The following LMF2 variants were observed in gnomAD, a reference collection of about 807,000 sequenced individuals.
LMF2 encodes the protein transmembrane protein 112B.
A neutral mutation model predicts 81.5 loss-of-function variants in LMF2; 113 were observed. That is an observed-to-expected ratio of 1.39 (90% CI 1.19 to 1.62). LMF2 has a LOEUF of 1.62. Ranked by LOEUF, LMF2 falls within the 40% of genes most tolerant of loss-of-function variation. LMF2 has a pLI of 0.00. For missense variants in LMF2, 1,235 were observed against 929.1 expected, an observed-to-expected ratio of 1.33 and a Z score of -4.28; for synonymous variants, 645 against 424.5, an observed-to-expected ratio of 1.52 and a Z score of -6.39.
At chr22:50,505,194 A>G (rs1239744620) in intron 8 of LMF2, 35 bp downstream of exon 8, 1 of 1,612,650 alleles carries the variant, frequency 6.2e-7, no homozygotes, top group South Asian at 1.1e-5. Flanking sequence ...GGCCCTGCAC[A>G]CCTGTGCCCC....
chr22:50,507,370 C>T, intron 1 of LMF2: 1 of 613,720 alleles, frequency 1.6e-6, no homozygotes, highest in Non-Finnish European at 2.9e-6. Context: ...GTCCCCCACC[C>T]CAGGTCAGAG....
chr22:50,505,261 G>A lies in LMF2; in HGVS notation c.1125C>T (p.Ser375=), dbSNP rs957251698. The part of the protein sequence containing the change: ...TLPTVWLGVA[S]LVWELLSALW... The stretch of plus-strand genomic sequence containing the variant: ...GGGCACTCAGCAGCTCCCAGACCAG[G>A]GAGGCCACACCCAGCCACACAGTGG... The change falls in exon 8 of 14, where the codon TCC becomes TCT. Residue 375 remains serine, a synonymous_variant. Transcript: ENST00000474879. The A allele has an allele frequency of 1.2e-6, 2 of 1,613,064 alleles. No individual in the cohort carries two copies. The highest frequency in any genetic ancestry group is 1.7e-5 in the Admixed American group (1 of 60,014).
chr22:50,506,155 G>A lies in LMF2; in HGVS notation c.654C>T (p.His218=), dbSNP rs190624637. The A allele has an allele frequency of 3.7e-5, 58 of 1,569,584 alleles. No homozygotes were observed. The highest frequency in any genetic ancestry group is 5.0e-5 in the Non-Finnish European group (58 of 1,157,366). Residue 218 remains histidine, a synonymous_variant, in exon 5 of 14, where the codon CAC becomes CAT. Transcript: ENST00000474879. Reference sequence around the variant, plus strand: ...GCTTGTGCAGCCAGACCGGCAGGTGGTGTGCGAACCAGGCGGCGGGCGTGG... The same window carrying A: ...GCTTGTGCAGCCAGACCGGCAGGTGATGTGCGAACCAGGCGGCGGGCGTGG... ...CLPTPAAWFA[H]HLPVWLHKLS...
chr22:50,504,294 A>ACC, intron 12 of LMF2, 46 bp downstream of exon 12: 1 of 1,239,130 alleles, frequency 8.1e-7, no homozygotes, highest in East Asian at 2.7e-5. Context: ...GCCCGGCCTT[A>ACC]CCCCTGCACC....
rs1569518972 is a variant in LMF2 at position 50,506,861 on chromosome 22, AG to A, written c.268del (p.Leu90TrpfsTer6). ...CAGTGGGCTCAGCAGCAGGGCTCCC[AG>A]GGCCACTAGTGCACCCAGCAGGCTC... ...LLSLLGALVA[L>X]GALLLSPLRH... On this transcript the variant is annotated frameshift_variant, in exon 2 of 14. Transcript: ENST00000474879. LOFTEE classifies it high-confidence loss of function. The A allele has an allele frequency of 6.3e-7, 1 of 1,592,718 alleles. No homozygotes were observed. The highest frequency in any genetic ancestry group is 2.3e-5 in the East Asian group (1 of 43,558).
intron 7 of LMF2, 33 bp from the exon 8 acceptor site, chr22:50,505,367 G>A (rs1290745340): frequency 4.3e-6 from 7 of 1,613,206 alleles, no homozygotes; most frequent in Admixed American, 1.7e-5. Flanking sequence ...GGACTGGTCC[G>A]CCCCTGCCCT....
rs2068453924 is a variant in LMF2, at chr22:50,503,317, G to A, written c.*74C>T. 2 of 1,505,096 alleles carry A rather than the reference G, an allele frequency of 1.3e-6. No homozygotes were observed. Among genetic ancestry groups the A allele is most frequent in the Non-Finnish European group, 9.1e-7 (1 of 1,104,780 alleles). The allele number at this position is 1,505,096 out of a possible 1,614,324, so 93.2% of individuals were successfully genotyped here. A position where few individuals can be genotyped will look rare whatever the true frequency, so the allele number is the denominator to read the frequency against. ...AGGGTCAGCTAAGGCACAGTGGCTG[G>A]GTCCTGTCCTGCCGGAGGCCAGAGC... is the stretch of plus-strand genomic sequence containing the variant. On this transcript the variant is annotated 3_prime_UTR_variant, in exon 14 of 14. Transcript: ENST00000474879.
At position 50,503,288 on chromosome 22, in the gene LMF2, C is replaced by G. The variant is rs1356893481; in HGVS notation, c.*103G>C. On this transcript the variant is annotated 3_prime_UTR_variant, in exon 14 of 14. Coordinates refer to ENST00000474879, the MANE Select transcript of LMF2 (RefSeq NM_033200.3). ...GCAGCCCCCCAACCTGTGCCTGGCCCTGCAGGGTCAGCTAAGGCACAGTGG... is the reference window on the plus strand; with the variant it reads ...GCAGCCCCCCAACCTGTGCCTGGCCGTGCAGGGTCAGCTAAGGCACAGTGG... 1 of 1,294,746 alleles carries G rather than the reference C, an allele frequency of 7.7e-7. No homozygotes were observed. Among genetic ancestry groups the G allele is most frequent in the African/African-American group, 1.5e-5 (1 of 66,812 alleles). 80.2% of individuals were successfully genotyped at this position (1,294,746 alleles called of 1,614,324 possible). A position where few individuals can be genotyped will look rare whatever the true frequency, so the allele number is the denominator to read the frequency against.
rs766986090 is a variant in LMF2 at position 50,507,664 on chromosome 22, G to A, written c.12C>T (p.Ser4=). 4 of 1,550,302 alleles carry A rather than the reference G, an allele frequency of 2.6e-6. No individual in the cohort carries two copies. The highest frequency in any genetic ancestry group is 3.5e-6 in the Non-Finnish European group (4 of 1,147,388). The change falls in exon 1 of 14, where the codon TCC becomes TCT. Residue 4 remains serine, a synonymous_variant. Transcript: ENST00000474879. MAG[S]RLPRQLFLQG... is the part of the protein sequence containing the mutation. ...GGAGGAAGAGCTGCCGCGGGAGCCG[G>A]GAGCCCGCCATGTCCGCTACGCGGC...
chr22:50,505,874 C>A, intron 5 of LMF2, 59 bp from the exon 6 acceptor site: 1 of 1,600,610 alleles, frequency 6.2e-7, no homozygotes, highest in Non-Finnish European at 8.5e-7. Flanking sequence ...GTGGCAGGCA[C>A]CCACCTCCAC....
rs951110066 is a variant in LMF2, at chr22:50,506,301, C to G, written c.579G>C (p.Ala193=). 1.0e-5 allele frequency: 16 copies of G among 1,549,354 alleles called. No homozygotes were observed. The highest frequency in any genetic ancestry group is 1.3e-5 in the Non-Finnish European group (15 of 1,146,556). The change falls in exon 4 of 14, where the codon GCG becomes GCC. Residue 193 remains alanine, a synonymous_variant. Coordinates refer to ENST00000474879, the MANE Select transcript of LMF2 (RefSeq NM_033200.3). ...GVVKLTSRCP[A]WWGLTALTYH... is the part of the protein sequence containing the mutation. ...GCCCCTCACCAGTGAGCCCCCACCA[C>G]GCAGGGCAGCGGCTGGTCAGCTTGA...
At position 50,504,970 on chromosome 22, in the gene LMF2, G is replaced by C; in HGVS notation, c.1269C>G (p.Tyr423Ter). The stretch of plus-strand genomic sequence containing the variant: ...GGCGCCCGTGGGTCCCGGGCTCCAC[G>C]TAGGAGTACGGCACCTGGAGACAGG... ...LFLISLVPYS[Y>*]VEPGTHGRLW... The change falls in exon 10 of 14, where the codon TAC becomes TAG. Residue 423 changes from tyrosine to a stop codon, truncating the protein, a stop_gained. Coordinates refer to ENST00000474879, the MANE Select transcript of LMF2 (RefSeq NM_033200.3). LOFTEE classifies it high-confidence loss of function. 1.2e-6 allele frequency: 2 copies of C among 1,609,422 alleles called. No homozygotes were observed. The highest frequency in any genetic ancestry group is 1.7e-6 in the Non-Finnish European group (2 of 1,177,450).
chr22:50,507,480 C>T (rs2068625179), intron 1 of LMF2, 102 bp downstream of exon 1: 11 of 921,678 alleles, frequency 1.2e-5, no homozygotes, highest in Non-Finnish European at 1.9e-5. Context: ...CAAGGCCTGG[C>T]CCTCACTCCC....
In LMF2 at chr22:50,507,054, T is replaced by TG; in HGVS notation, c.95-20dup. On this transcript the variant is annotated intron_variant, in intron 1 of 13. Transcript: ENST00000474879. The stretch of plus-strand genomic sequence containing the variant: ...TACAGGCCTGTGGGAGGGCATGTCA[T>TG]GGCCAGGCCCTGGACAGCCCTTGCA... 6.3e-7 allele frequency: 1 copy of TG among 1,579,636 alleles called. No individual in the cohort carries two copies. Among genetic ancestry groups the TG allele is most frequent in the Non-Finnish European group, 8.6e-7 (1 of 1,168,994 alleles).
Position 50,506,945 on chromosome 22 carries a change from G to A in LMF2, c.185C>T (p.Thr62Met), listed in dbSNP as rs1366989457. The change falls in exon 2 of 14, where the codon ACG becomes ATG. Residue 62 changes from threonine (T) to methionine (M), a missense_variant. By Grantham distance (81) the Thr-to-Met change is moderately conservative (BLOSUM62 -1). Transcript: ENST00000474879. ...GRWQQLWETP[T>M]LLWEAPRLGL... ...CAGTCTCGGCGCTTCCCACAGCAGCGTCGGGGTCTCCCACAGCTGCTGCCA... is the reference window on the plus strand; with the variant it reads ...CAGTCTCGGCGCTTCCCACAGCAGCATCGGGGTCTCCCACAGCTGCTGCCA... 1.9e-6 allele frequency: 3 copies of A among 1,581,228 alleles called. No homozygotes were observed. The highest frequency in any genetic ancestry group is 1.1e-5 in the South Asian group (1 of 88,126).
At position 50,504,788 on chromosome 22, in the gene LMF2, C is replaced by T; in HGVS notation, c.1437+14G>A. On this transcript the variant is annotated intron_variant, in intron 10 of 13. Coordinates refer to ENST00000474879, the MANE Select transcript of LMF2 (RefSeq NM_033200.3). ...CCTGGGCCCCACCACCCTGCCCGCC[C>T]TGGGAGGGCTCACCGTCCAGTGGTG... is the stretch of plus-strand genomic sequence containing the variant. 1 of 1,604,658 alleles carries T rather than the reference C, an allele frequency of 6.2e-7. No homozygotes were observed. The highest frequency in any genetic ancestry group is 8.5e-7 in the Non-Finnish European group (1 of 1,174,936).
chr22:50,505,886 CT>C lies in LMF2; in HGVS notation c.775-72del. ...CCCGTGGCAGGCACCCACCTCCACCCTGCAGGGTGCATCCCTCTGCTACAAG... is the reference window on the plus strand; with the variant it reads ...CCCGTGGCAGGCACCCACCTCCACCCGCAGGGTGCATCCCTCTGCTACAAG... On this transcript the variant is annotated intron_variant, in intron 5 of 13. Transcript: ENST00000474879. 3 of 1,594,574 alleles carry C rather than the reference CT, an allele frequency of 1.9e-6. No homozygotes were observed. In the East Asian group the frequency reaches 6.7e-5, roughly 36 times the overall value.
chr22:50,503,054 G>C lies in LMF2; in HGVS notation c.*337C>G. The C allele has an allele frequency of 3.3e-6, 1 of 303,312 alleles. No individual in the cohort carries two copies. 18.8% of individuals were successfully genotyped at this position (303,312 alleles called of 1,614,324 possible). ...CAGTGCTTCCCCTCTTCCCCTGGGA[G>C]TCAGCCTCTTCCCCTCTGGCACGGG... On this transcript the variant is annotated 3_prime_UTR_variant, in exon 14 of 14. Transcript: ENST00000474879.
At position 50,504,580 on chromosome 22, in the gene LMF2, G is replaced by T. The variant is rs750077885; in HGVS notation, c.1585C>A (p.Leu529Met). 6.3e-6 allele frequency: 10 copies of T among 1,591,558 alleles called. No individual in the cohort carries two copies. The African/African-American group carries it at 1.1e-4, about 17-fold the overall frequency. ...GCACCTGGCTCCTTGCCCTGCAGCA[G>T]GCGCAAGACCAGGCTTGTGAACCAC... ...SPWFTSLVLR[L>M]LQGKEPVIRL... is the part of the protein sequence containing the mutation. The change falls in exon 11 of 14, where the codon CTG becomes ATG. Residue 529 changes from leucine to methionine, a missense_variant. Leu to Met is a conservative substitution (Grantham distance 15, BLOSUM62 2). Coordinates refer to ENST00000474879, the MANE Select transcript of LMF2 (RefSeq NM_033200.3).
Sources: gnomAD v4.1 joint callset for allele counts on GRCh38, gnomAD v4.1.1 for gene constraint, MANE v1.5 for transcripts, NCBI Gene and HGNC (gene_info 2026-07-23, HGNC 2026-07-21) for gene names.